RGS6: variants seen among roughly 807,000 people sequenced by gnomAD.
The protein encoded by RGS6 is regulator of G protein signaling 6.
A neutral mutation model predicts 78.5 loss-of-function variants in RGS6; 30 were observed. That is an observed-to-expected ratio of 0.38 (90% CI 0.29 to 0.52). RGS6 has a LOEUF of 0.52. Ranked by LOEUF, RGS6 falls within the 20% of genes least tolerant of loss-of-function variation. The pLI is 0.85. For missense variants in RGS6, 495 were observed against 609.7 expected, an observed-to-expected ratio of 0.81 and a Z score of 1.98; for synonymous variants, 206 against 206.0, an observed-to-expected ratio of 1.00 and a Z score of 0.00.
At chr14:72,011,135 T>G (rs2085604709) in intron 2 of RGS6, among the ~76,000 whole-genome samples, 1 of 152,260 alleles carries the variant, frequency 6.6e-6, no homozygotes, top group Non-Finnish European at 1.5e-5. Flanking sequence ...TCTTTGAGTC[T>G]CCTTCCGGTT....
the RGS6 span, among the ~76,000 whole-genome samples, chr14:72,592,812 T>G: frequency 6.6e-6 from 1 of 152,152 alleles, no homozygotes; most frequent in African/African-American, 2.4e-5. Context: ...AGAGATAAGT[T>G]GCCTGGCTGC....
intron 3 of RGS6, among the ~76,000 whole-genome samples, chr14:72,393,736 C>T (rs1045617018): frequency 2.0e-5 from 3 of 152,156 alleles, no homozygotes; most frequent in South Asian, 2.1e-4. Context: ...CCTGGTCATT[C>T]GCCTACAGCC....
chr14:72,191,388 G>A, intron 2 of RGS6, among the ~76,000 whole-genome samples: 1 of 152,178 alleles, frequency 6.6e-6, no homozygotes, highest in Non-Finnish European at 1.5e-5. Context: ...TAACTCCCTT[G>A]ACCTTCCATG....
intron 13 of RGS6, among the ~76,000 whole-genome samples, chr14:72,501,269 A>G (rs972319619): frequency 1.2e-4 from 18 of 152,214 alleles, no homozygotes; most frequent in Admixed American, 6.5e-4. Context: ...ATAGCAGCTG[A>G]ATAGAATCAC....
rs143990569 is a variant in RGS6 at position 72,076,836 on chromosome 14, T to A, written c.84+111961T>A. Among the ~76,000 whole-genome samples the A allele has an allele frequency of 4.0e-3, 605 of 152,180 alleles. 4 individuals carry two copies. Among genetic ancestry groups the A allele is most frequent in the African/African-American group, 0.014 (587 of 41,506 alleles). On this transcript the variant is annotated intron_variant, in intron 2 of 17. Coordinates refer to ENST00000553525, the MANE Select transcript of RGS6 (RefSeq NM_001204424.2). ...TGTGAACCACTGGGCCTGGCCTATGTATACATAATTAGGCTATACTGTCTA... is the reference window on the plus strand; with the variant it reads ...TGTGAACCACTGGGCCTGGCCTATGAATACATAATTAGGCTATACTGTCTA...
At chr14:71,876,104 A>T in the RGS6 span, among the ~76,000 whole-genome samples, 5 of 152,222 alleles carry the variant, frequency 3.3e-5, no homozygotes, top group Admixed American at 6.5e-5. Context: ...TGTGGTGCTA[A>T]GAAGAATGTA....
rs936628358 is a variant in RGS6 at position 72,026,056 on chromosome 14, C to G, written c.84+61181C>G. ...AGAATAGTCGAATAAAAAGTTCCCT[C>G]AAACTTAGGAGAAACCTAAGGCTAT... On this transcript the variant is annotated intron_variant, in intron 2 of 17. Transcript: ENST00000553525. 6.6e-5 allele frequency among the ~76,000 whole-genome samples: 10 copies of G among 152,114 alleles called. No individual in the cohort carries two copies. The East Asian group carries it at 1.7e-3, about 26-fold the overall frequency.
In RGS6 at chr14:72,548,584, T is replaced by TAAGTC. The variant is rs902591324; in HGVS notation, c.1422+8491_1422+8495dup. ...TGCTTTTTGTTGCTCTAAGCAATAT[T>TAAGTC]AAGTCTTGGTTCTAAGCCCCCACAT... On this transcript the variant is annotated intron_variant, in intron 17 of 17. Transcript: ENST00000553525. 3.3e-4 allele frequency among the ~76,000 whole-genome samples: 50 copies of TAAGTC among 152,294 alleles called. 1 individual carries two copies. Among genetic ancestry groups the TAAGTC allele is most frequent in the Admixed American group, 3.9e-4 (6 of 15,292 alleles).
At chr14:72,389,600 C>T (rs1358523846) in intron 3 of RGS6, among the ~76,000 whole-genome samples, 2 of 152,174 alleles carry the variant, frequency 1.3e-5, no homozygotes, top group Non-Finnish European at 2.9e-5. Context: ...ATCCCCAGGG[C>T]CTGAAACAGA....
chr14:72,012,894 A>G (rs1455355680), intron 2 of RGS6, among the ~76,000 whole-genome samples: 1 of 152,234 alleles, frequency 6.6e-6, no homozygotes, highest in Non-Finnish European at 1.5e-5. Context: ...TAATAGTGTA[A>G]GCAAACAATA....
chr14:72,349,803 G>A (rs547877236), intron 2 of RGS6, among the ~76,000 whole-genome samples: 1 of 152,268 alleles, frequency 6.6e-6, no homozygotes, highest in Admixed American at 6.5e-5. Flanking sequence ...CAGCAGCAGA[G>A]GTGTAAACAG....
chr14:72,626,978 T>C, the RGS6 span, among the ~76,000 whole-genome samples: 1 of 152,052 alleles, frequency 6.6e-6, no homozygotes, highest in South Asian at 2.1e-4. Flanking sequence ...TTGTGGGTTG[T>C]CTTTCATGTA....
chr14:72,626,387 T>C, the RGS6 span, among the ~76,000 whole-genome samples: 3 of 152,190 alleles, frequency 2.0e-5, no homozygotes, highest in Non-Finnish European at 2.9e-5. Context: ...AGCAAATGCA[T>C]GTAGGTTTTC....
chr14:72,142,694 C>T (rs2096556570), intron 2 of RGS6, among the ~76,000 whole-genome samples: 1 of 152,118 alleles, frequency 6.6e-6, no homozygotes, highest in Non-Finnish European at 1.5e-5. Context: ...TATAATATAA[C>T]CTAGTCCATG....
chr14:72,379,432 TAAAGGCTATATCA>T (rs952666122), intron 3 of RGS6, among the ~76,000 whole-genome samples: 136 of 152,184 alleles, frequency 8.9e-4, no homozygotes, highest in African/African-American at 3.2e-3. Context: ...TAGAAAAACC[TAAAGGCTATATCA>T]AAAAACTCTT....
intron 17 of RGS6, among the ~76,000 whole-genome samples, chr14:72,545,975 C>T (rs1311423522): frequency 6.6e-6 from 1 of 152,150 alleles, no homozygotes; most frequent in Non-Finnish European, 1.5e-5. Flanking sequence ...GGTGTTGCCG[C>T]ATCACTGCAT....
At chr14:72,303,133 C>T (rs1329803790) in intron 2 of RGS6, among the ~76,000 whole-genome samples, 1 of 152,198 alleles carries the variant, frequency 6.6e-6, no homozygotes, top group African/African-American at 2.4e-5. Flanking sequence ...GATCATCATT[C>T]CTTTACCTAC....
In RGS6 at chr14:72,417,142, C is replaced by T. The variant is rs113635383; in HGVS notation, c.185-37386C>T. On this transcript the variant is annotated intron_variant, in intron 3 of 17. Transcript: ENST00000553525. ...ATGAAGGGCAGACATGAAATTGTGC[C>T]GCCAGCGTTCTGGTTTCTTCAGCGC... 7.2e-3 allele frequency among the ~76,000 whole-genome samples: 1,099 copies of T among 152,324 alleles called. 10 individuals carry two copies. Among genetic ancestry groups the T allele is most frequent in the African/African-American group, 0.024 (994 of 41,564 alleles).
At chr14:72,383,592 T>G (rs918163108) in intron 3 of RGS6, among the ~76,000 whole-genome samples, 1 of 152,170 alleles carries the variant, frequency 6.6e-6, no homozygotes, top group African/African-American at 2.4e-5. Context: ...TATTTCTGCA[T>G]GGAGCTGATA....
Sources: allele counts gnomAD v4.1 joint callset (sites outside exome capture counted in the v4.1 genomes callset), GRCh38; gene constraint gnomAD v4.1.1; transcripts MANE v1.5; gene names NCBI Gene and HGNC (gene_info 2026-07-23, HGNC 2026-07-21).